BRK1: variants seen among roughly 807,000 people sequenced by gnomAD.
BRK1 encodes the protein BRICK1 subunit of SCAR/WAVE actin nucleating complex.
BRK1 carries 6 observed loss-of-function variants against 9.9 expected under a neutral mutation model. That is an observed-to-expected ratio of 0.60 (90% CI 0.33 to 1.19). The LOEUF is 1.19. BRK1 is among the 50% of genes most tolerant of loss of function. BRK1 has a pLI of 0.04. For synonymous variants in BRK1, 44 were observed against 31.9 expected, an observed-to-expected ratio of 1.38 and a Z score of -1.28; for missense variants, 62 against 97.5, an observed-to-expected ratio of 0.64 and a Z score of 1.53.
At position 10,126,384 on chromosome 3, in the gene BRK1, C is replaced by T. The variant is rs533510454; in HGVS notation, c.*89C>T. The T allele has an allele frequency of 7.5e-5, 86 of 1,154,090 alleles. No individual in the cohort carries two copies. In the African/African-American group the frequency reaches 1.2e-3, roughly 16 times the overall value. The allele number at this position is 1,154,090 out of a possible 1,614,324, so 71.5% of individuals were successfully genotyped here. ...AGCAGCCTTCAGCTCCTTCCTTTCT[C>T]CTTAAAGAGCAACAGGGCTTATTCT... On this transcript the variant is annotated 3_prime_UTR_variant, in exon 3 of 3. Coordinates refer to ENST00000530758, the MANE Select transcript of BRK1 (RefSeq NM_018462.5).
rs751382421 is a variant in BRK1, at chr3:10,115,688, C to T, written c.-14C>T. The T allele has an allele frequency of 3.8e-5, 61 of 1,610,856 alleles. No homozygotes were observed. The highest frequency in any genetic ancestry group is 5.5e-5 in the South Asian group (5 of 91,030). On this transcript the variant is annotated 5_prime_UTR_variant, in exon 1 of 3. Coordinates refer to ENST00000530758, the MANE Select transcript of BRK1 (RefSeq NM_018462.5). The stretch of plus-strand genomic sequence containing the variant: ...CGGGGCGCCTGCGCAGTCGCTCTTC[C>T]TCAGGCGGCGGCCATGGCGGGACAG...
In BRK1 at chr3:10,126,623, TTC is replaced by T. The variant is rs768646335; in HGVS notation, c.*339_*340del. 1.0e-4 allele frequency: 28 copies of T among 270,032 alleles called. No individual in the cohort carries two copies. Among genetic ancestry groups the T allele is most frequent in the Non-Finnish European group, 1.6e-4 (22 of 141,420 alleles). 16.7% of individuals were successfully genotyped at this position (270,032 alleles called of 1,614,324 possible). On this transcript the variant is annotated 3_prime_UTR_variant, in exon 3 of 3. Coordinates refer to ENST00000530758, the MANE Select transcript of BRK1 (RefSeq NM_018462.5). ...AGGTCCTCCTCACCTCTATCTTTCT[TTC>T]TCTCTCTCTCAAACTTTCCTTAAAG...
chr3:10,118,026 C>T (rs542559192), intron 1 of BRK1, among the ~76,000 whole-genome samples: 7 of 152,060 alleles, frequency 4.6e-5, no homozygotes, highest in African/African-American at 1.2e-4. Context: ...GAGGCTGAGG[C>T]GAGCAGATCA....
At chr3:10,122,395 C>A (rs966134603) in intron 1 of BRK1, among the ~76,000 whole-genome samples, 3 of 152,082 alleles carry the variant, frequency 2.0e-5, no homozygotes, top group African/African-American at 4.8e-5. Flanking sequence ...AGACCAAGTA[C>A]ATGAATAACT....
At chr3:10,121,739 T>TC (rs1250044963) in intron 1 of BRK1, among the ~76,000 whole-genome samples, 2 of 151,812 alleles carry the variant, frequency 1.3e-5, no homozygotes, top group Admixed American at 1.3e-4. Context: ...CCTCAAACTT[T>TC]TTTTTTTTTT....
intron 1 of BRK1, among the ~76,000 whole-genome samples, chr3:10,124,781 T>G (rs1298044943): frequency 6.6e-6 from 1 of 152,188 alleles, no homozygotes; most frequent in Non-Finnish European, 1.5e-5. Flanking sequence ...GATCTCTGTT[T>G]TGTTGCTGGC....
Position 10,126,340 on chromosome 3 carries a change from G to A in BRK1, c.*45G>A. The A allele has an allele frequency of 6.4e-7, 1 of 1,550,710 alleles. No homozygotes were observed. Among genetic ancestry groups the A allele is most frequent in the Non-Finnish European group, 8.7e-7 (1 of 1,143,148 alleles). ...TGGGAAGTTGCTTTACACAACACAG[G>A]CCACATGGGAAAGGCCCCAGCAGCC... is the stretch of plus-strand genomic sequence containing the variant. On this transcript the variant is annotated 3_prime_UTR_variant, in exon 3 of 3. Coordinates refer to ENST00000530758, the MANE Select transcript of BRK1 (RefSeq NM_018462.5).
At chr3:10,123,804 C>G (rs1308230849) in intron 1 of BRK1, among the ~76,000 whole-genome samples, 3 of 139,500 alleles carry the variant, frequency 2.2e-5, no homozygotes, top group African/African-American at 8.7e-5. Context: ...GGTGCAATCC[C>G]AGCTCACTGC....
chr3:10,116,177 C>T (rs930658168), intron 1 of BRK1, among the ~76,000 whole-genome samples: 1 of 152,216 alleles, frequency 6.6e-6, no homozygotes, highest in Non-Finnish European at 1.5e-5. Context: ...CCACTTTGCA[C>T]TCAAAGTGAG....
intron 1 of BRK1, among the ~76,000 whole-genome samples, chr3:10,118,758 G>A (rs1229052880): frequency 2.0e-5 from 3 of 152,028 alleles, no homozygotes; most frequent in African/African-American, 7.2e-5. Context: ...AAAGTGCTGG[G>A]ATTACAGGCA....
At position 10,126,590 on chromosome 3, in the gene BRK1, CTT is replaced by C. The variant is rs895406040; in HGVS notation, c.*297_*298del. ...CATTCACAGCCAAAAGCCTGGGACT[CTT>C]TGTGAAGGTCCTCCTCACCTCTATC... On this transcript the variant is annotated 3_prime_UTR_variant, in exon 3 of 3. Coordinates refer to ENST00000530758, the MANE Select transcript of BRK1 (RefSeq NM_018462.5). 1 of 349,772 alleles carries C rather than the reference CTT, an allele frequency of 2.9e-6. No individual in the cohort carries two copies. Among genetic ancestry groups the C allele is most frequent in the African/African-American group, 2.1e-5 (1 of 46,944 alleles). 21.7% of individuals were successfully genotyped at this position (349,772 alleles called of 1,614,324 possible).
Position 10,126,390 on chromosome 3 carries a change from A to G in BRK1, c.*95A>G. On this transcript the variant is annotated 3_prime_UTR_variant, in exon 3 of 3. Transcript: ENST00000530758. ...CTTCAGCTCCTTCCTTTCTCCTTAAAGAGCAACAGGGCTTATTCTTGTTTT... is the reference window on the plus strand; with the variant it reads ...CTTCAGCTCCTTCCTTTCTCCTTAAGGAGCAACAGGGCTTATTCTTGTTTT... The G allele has an allele frequency of 3.7e-6, 4 of 1,088,110 alleles. No individual in the cohort carries two copies. Among genetic ancestry groups the G allele is most frequent in the Non-Finnish European group, 5.4e-6 (4 of 744,994 alleles). The allele number at this position is 1,088,110 out of a possible 1,614,324, so 67.4% of individuals were successfully genotyped here.
chr3:10,124,298 CA>C (rs549647243), intron 1 of BRK1, among the ~76,000 whole-genome samples: 511 of 136,072 alleles, frequency 3.8e-3, no homozygotes, highest in Middle Eastern at 7.8e-3. Flanking sequence ...ACTAAAAATA[CA>C]AAAAAAAAAA....
intron 1 of BRK1, among the ~76,000 whole-genome samples, chr3:10,119,123 G>A (rs1393582958): frequency 7.9e-5 from 10 of 126,296 alleles, no homozygotes; most frequent in Non-Finnish European, 1.4e-4. Flanking sequence ...CTGCCTGGGC[G>A]AAAGAGCAAG....
At chr3:10,120,066 G>T (rs1695736391) in intron 1 of BRK1, among the ~76,000 whole-genome samples, 1 of 151,678 alleles carries the variant, frequency 6.6e-6, no homozygotes. Flanking sequence ...GTCTCATTCT[G>T]TCGCCCAGGC....
intron 1 of BRK1, among the ~76,000 whole-genome samples, chr3:10,120,354 C>T (rs529857007): frequency 2.6e-5 from 4 of 152,224 alleles, no homozygotes; most frequent in Admixed American, 2.0e-4. Flanking sequence ...ACAACCATGC[C>T]CAGCTACTTT....
rs811907 is a variant in BRK1 at position 10,119,207 on chromosome 3, A to G, written c.118+3388A>G. ...CACAGTGGCTCATGCCTATAATCCC[A>G]GCACTTTGGGAGGCCGAGGCAGGTG... is the stretch of plus-strand genomic sequence containing the variant. On this transcript the variant is annotated intron_variant, in intron 1 of 2. Transcript: ENST00000530758. Among the ~76,000 whole-genome samples, 34,999 of 151,528 alleles carry G rather than the reference A, an allele frequency of 0.23. 5,494 individuals carry two copies. The highest frequency in any genetic ancestry group is 0.33 in the Non-Finnish European group (22,721 of 67,852).
chr3:10,126,586 G>A lies in BRK1; in HGVS notation c.*291G>A, dbSNP rs1695844083. The stretch of plus-strand genomic sequence containing the variant: ...GAGACATTCACAGCCAAAAGCCTGG[G>A]ACTCTTTGTGAAGGTCCTCCTCACC... On this transcript the variant is annotated 3_prime_UTR_variant, in exon 3 of 3. Coordinates refer to ENST00000530758, the MANE Select transcript of BRK1 (RefSeq NM_018462.5). The A allele has an allele frequency of 2.8e-6, 1 of 354,542 alleles. No homozygotes were observed. Among genetic ancestry groups the A allele is most frequent in the African/African-American group, 2.1e-5 (1 of 47,060 alleles). 22.0% of individuals were successfully genotyped at this position (354,542 alleles called of 1,614,324 possible).
intron 1 of BRK1, among the ~76,000 whole-genome samples, chr3:10,121,382 A>T (rs1194714261): frequency 1.3e-5 from 2 of 152,340 alleles, no homozygotes; most frequent in South Asian, 4.1e-4. Context: ...CCGGAGGCAC[A>T]GAAAGATGAT....
Sources: gnomAD v4.1 joint callset for allele counts (sites outside exome capture counted in the v4.1 genomes callset) on GRCh38, gnomAD v4.1.1 for gene constraint, MANE v1.5 for transcripts, NCBI Gene and HGNC (gene_info 2026-07-23, HGNC 2026-07-21) for gene names.